Variants in UHRF1 observed in about 807,000 individuals in gnomAD.
The protein encoded by UHRF1 is E3 ubiquitin-protein ligase UHRF1.
In UHRF1, 9 loss-of-function variants were observed where a neutral mutation model predicts 96.5. The observed-to-expected ratio is 0.09, with a 90% CI of 0.06 to 0.16. The LOEUF is 0.16. Among genes scored for constraint, UHRF1 ranks in the 10% least tolerant of loss-of-function variants. The pLI is 1.00. For missense variants in UHRF1, 626 were observed against 1,131.1 expected (o/e 0.55, Z 6.40); for synonymous variants, 455 against 469.9 (o/e 0.97, Z 0.41).
At chr19:4,955,542 C>T (rs185478682) in intron 15 of UHRF1, among the ~76,000 whole-genome samples, 1 of 152,024 alleles carries the variant, frequency 6.6e-6, no homozygotes, top group Non-Finnish European at 1.5e-5. Context: ...CAGGATGGTG[C>T]AGGTCTCAGG....
chr19:4,908,731 T>C (rs2032130108), upstream of UHRF1, among the ~76,000 whole-genome samples: 9 of 152,150 alleles, frequency 5.9e-5, no homozygotes, highest in South Asian at 1.9e-3. Context: ...TTATCTGCTT[T>C]AGTTATTCAT....
intron 15 of UHRF1, among the ~76,000 whole-genome samples, chr19:4,956,131 G>T (rs773286732): frequency 1.3e-4 from 20 of 152,110 alleles, no homozygotes; most frequent in Non-Finnish European, 2.1e-4. Context: ...GGATTTCACC[G>T]TGTTGGTCAG....
chr19:4,929,280 TCCTGGTCCGCCAGAG>T lies in UHRF1; in HGVS notation c.216_230del (p.Arg74_Val78del). 6.2e-7 allele frequency: 1 copy of T among 1,613,824 alleles called. No individual in the cohort carries two copies. Among genetic ancestry groups the T allele is most frequent in the Non-Finnish European group, 8.5e-7 (1 of 1,179,866 alleles). On this transcript the variant is annotated inframe_deletion, in exon 3 of 17. Transcript: ENST00000650932. ...GTCCGCCTGAATGACACCATCCAGC[TCCTGGTCCGCCAGAG>T]CCTCGTGCTCCCCCACAGCACCAAG...
At chr19:4,923,174 C>G (rs1442670873) in intron 2 of UHRF1, among the ~76,000 whole-genome samples, 1 of 152,222 alleles carries the variant, frequency 6.6e-6, no homozygotes, top group Non-Finnish European at 1.5e-5. Flanking sequence ...CTGCTTAACT[C>G]TGCCGCCTTG....
chr19:4,930,219 C>T lies in UHRF1; in HGVS notation c.409-497C>T, dbSNP rs984363979. 3.9e-5 allele frequency among the ~76,000 whole-genome samples: 6 copies of T among 152,210 alleles called. 1 individual carries two copies. Among genetic ancestry groups the T allele is most frequent in the African/African-American group, 1.2e-4 (5 of 41,456 alleles). On this transcript the variant is annotated intron_variant, in intron 3 of 16. Transcript: ENST00000650932. This position sits in a 1 kb window ranked among gnomAD's most constrained non-coding sequence, Gnocchi z 4.4. ...TGAACTCCTGGCCTCAAGTGATCTT[C>T]CCGCCGCAGCCTCCCAAAGTGCTGG...
rs759941576 is a variant in UHRF1, at chr19:4,930,810, A to G, written c.503A>G (p.Glu168Gly). 21 of 1,613,830 alleles carry G rather than the reference A, an allele frequency of 1.3e-5. No homozygotes were observed. The highest frequency in any genetic ancestry group is 2.2e-5 in the East Asian group (1 of 44,894). The change falls in exon 4 of 17, where the codon GAG (glutamate) becomes GGG (glycine). Residue 168 changes from glutamate to glycine, a missense_variant. Transcript: ENST00000650932. This position sits in a 1 kb window ranked among gnomAD's most constrained non-coding sequence, Gnocchi z 4.4. ...ACGCGGAAGGCCCCCTCCCGGGACG[A>G]GCCCTGCAGCTCCACGTCCAGGCCG... The part of the protein sequence containing the change: ...RVTRKAPSRD[E>G]PCSSTSRPAL...
At chr19:4,917,888 T>C (rs1168030444) in intron 2 of UHRF1, among the ~76,000 whole-genome samples, 1 of 152,088 alleles carries the variant, frequency 6.6e-6, no homozygotes, top group African/African-American at 2.4e-5. Context: ...ATCAAACTCC[T>C]GGGCTCAAGT....
intron 2 of UHRF1, 123 bp from the exon 3 acceptor site, chr19:4,929,099 T>C: frequency 7.4e-7 from 1 of 1,358,820 alleles, no homozygotes; most frequent in Non-Finnish European, 1.0e-6. Context: ...GGCTCTTTAC[T>C]CTGATGCAGA....
chr19:4,941,435 C>G (rs867289971), intron 5 of UHRF1, 93 bp from the exon 6 acceptor site: 1 of 947,612 alleles, frequency 1.1e-6, no homozygotes, highest in Middle Eastern at 2.2e-4. Context: ...GCTGTTGCCC[C>G]AGGCATCCCG....
Position 4,930,438 on chromosome 19 carries a change from A to G in UHRF1, c.409-278A>G, listed in dbSNP as rs1461674165. Among the ~76,000 whole-genome samples the G allele has an allele frequency of 6.6e-6, 1 of 152,210 alleles. No individual in the cohort carries two copies. Among genetic ancestry groups the G allele is most frequent in the Non-Finnish European group, 1.5e-5 (1 of 68,034 alleles). ...TTCCAGCTTCTCTTGACAAATGGGC[A>G]GCTCTGGTCTCTCAGGGCCTCCCAG... On this transcript the variant is annotated intron_variant, in intron 3 of 16. Transcript: ENST00000650932. This position sits in a 1 kb window ranked among gnomAD's most constrained non-coding sequence, Gnocchi z 4.4.
chr19:4,921,405 C>T (rs2032699327), intron 2 of UHRF1, among the ~76,000 whole-genome samples: 4 of 152,172 alleles, frequency 2.6e-5, no homozygotes. Context: ...CACCACTGCA[C>T]TCCAGCCTGG....
At chr19:4,908,856 G>T (rs1053576666), upstream of UHRF1, among the ~76,000 whole-genome samples, 4 of 152,192 alleles carry the variant, frequency 2.6e-5, no homozygotes, top group African/African-American at 9.6e-5. Flanking sequence ...TGCTTTGTAG[G>T]TGCCCAGCAC....
rs561267010 is a variant in UHRF1, at chr19:4,960,637, G to A, written c.2236-20G>A. ...TGATGGTGTGGATGGCACTTCTCACGCGCCTGCTGTGTCTTACAGGACTGC... is the reference window on the plus strand; with the variant it reads ...TGATGGTGTGGATGGCACTTCTCACACGCCTGCTGTGTCTTACAGGACTGC... On this transcript the variant is annotated intron_variant, in intron 16 of 16. Coordinates refer to ENST00000650932, the MANE Select transcript of UHRF1 (RefSeq NM_001048201.3). The A allele has an allele frequency of 1.1e-5, 18 of 1,611,092 alleles. No homozygotes were observed. The highest frequency in any genetic ancestry group is 6.7e-5 in the East Asian group (3 of 44,740).
chr19:4,910,283 GA>G (rs919839625), intron 1 of UHRF1: 1 of 149,386 alleles, frequency 6.7e-6, no homozygotes, highest in African/African-American at 2.4e-5. Context: ...GGGTGGCCGG[GA>G]CGGGGCGGCC....
intron 5 of UHRF1, among the ~76,000 whole-genome samples, chr19:4,938,246 G>A (rs1167755502): frequency 1.3e-5 from 2 of 152,020 alleles, no homozygotes; most frequent in Admixed American, 6.6e-5. Flanking sequence ...TTTCTTCTAT[G>A]CTTATGTGAC....
rs2145213969 is a variant in UHRF1, at chr19:4,954,650, G to C, written c.1958G>C (p.Gly653Ala). 1 of 1,612,296 alleles carries C rather than the reference G, an allele frequency of 6.2e-7. No homozygotes were observed. ...GKGKWKRKSAGGGPSRAGSPR... is the reference protein window; with the variant it reads ...GKGKWKRKSAAGGPSRAGSPR... ...CCTCACGCGCCCCACCCTCTTCCAG[G>C]AGGTGGCCCGAGCAGGGCCGGGTCC... Residue 653 changes from glycine to alanine, a missense_variant and splice_region_variant, in exon 15 of 17, where the codon GGA (glycine) becomes GCA (alanine). Gly to Ala is a moderately conservative substitution (Grantham distance 60, BLOSUM62 0). Coordinates refer to ENST00000650932, the MANE Select transcript of UHRF1 (RefSeq NM_001048201.3). This position sits in a 1 kb window ranked among gnomAD's most constrained non-coding sequence, Gnocchi z 5.9.
rs187079918 is a variant in UHRF1 at position 4,903,965 on chromosome 19, C to A, written c.-11+320C>A. ...CGACACCATCAGGAAGCAGCAACTC[C>A]CTGCATGATTGACATTTCTCTTTTT... On this transcript the variant is annotated intron_variant, in intron 1 of 16. Coordinates refer to the UHRF1 transcript ENST00000612630. Among the ~76,000 whole-genome samples, 6 of 152,130 alleles carry A rather than the reference C, an allele frequency of 3.9e-5. No homozygotes were observed. The East Asian group carries it at 1.2e-3, about 29-fold the overall frequency.
intron 11 of UHRF1, among the ~76,000 whole-genome samples, chr19:4,948,307 A>G (rs1250578954): frequency 6.6e-6 from 1 of 152,120 alleles, no homozygotes; most frequent in African/African-American, 2.4e-5. Flanking sequence ...CCCTGATTAC[A>G]GGATGGGGGC....
chr19:4,938,902 CCTGA>C (rs1040411515), intron 5 of UHRF1, among the ~76,000 whole-genome samples: 27 of 150,294 alleles, frequency 1.8e-4, no homozygotes, highest in East Asian at 7.9e-4. Context: ...CACCACCATG[CCTGA>C]CTAATTTTTT....
Sources: allele counts gnomAD v4.1 joint callset (sites outside exome capture counted in the v4.1 genomes callset), GRCh38; gene constraint gnomAD v4.1.1; non-coding constraint Gnocchi (gnomAD v3.1); transcripts MANE v1.5; gene names NCBI Gene and HGNC (gene_info 2026-07-23, HGNC 2026-07-21).